SCAPER: variants seen among roughly 807,000 people sequenced by gnomAD.
SCAPER encodes the protein S-phase cyclin A associated protein in the ER.
SCAPER carries 98 observed loss-of-function variants against 182.2 expected under a neutral mutation model. The observed-to-expected ratio is 0.54, with a 90% CI of 0.46 to 0.64. SCAPER has a LOEUF of 0.64. Among genes scored for constraint, SCAPER ranks in the 30% least tolerant of loss-of-function variants. The probability of loss-of-function intolerance (pLI) is 0.00; values close to 1 mark genes in which losing one functional copy is unlikely to be tolerated. For missense variants in SCAPER, 1,432 were observed against 1,690.0 expected, an observed-to-expected ratio of 0.85 and a Z score of 2.68; for synonymous variants, 605 against 564.6, an observed-to-expected ratio of 1.07 and a Z score of -1.01.
At chr15:76,621,698 G>A in intron 22 of SCAPER, 66 bp downstream of exon 22, 1 of 1,257,322 alleles carries the variant, frequency 8.0e-7, no homozygotes, top group East Asian at 2.4e-5. Context: ...TAACATGATG[G>A]TTGAGATACA....
At chr15:76,889,214 T>C (rs9707794) in intron 1 of SCAPER, among the ~76,000 whole-genome samples, 50,837 of 152,028 alleles carry the variant, frequency 0.33, 8,782 homozygotes, top group East Asian at 0.55. Flanking sequence ...TACCAGACAC[T>C]GCAAAAACAT....
chr15:76,355,940 T>G (rs923579554), intron 29 of SCAPER, among the ~76,000 whole-genome samples: 1 of 152,226 alleles, frequency 6.6e-6, no homozygotes, highest in Admixed American at 6.5e-5. Flanking sequence ...TGCAAATGGA[T>G]GTAGGCAGTT....
intron 24 of SCAPER, among the ~76,000 whole-genome samples, chr15:76,494,059 T>G (rs1454146333): frequency 6.6e-6 from 1 of 152,218 alleles, no homozygotes; most frequent in Non-Finnish European, 1.5e-5. Flanking sequence ...TGGATTGTAG[T>G]ATAAATTTTA....
intron 4 of SCAPER, among the ~76,000 whole-genome samples, 185 bp from the exon 5 acceptor site, chr15:76,842,116 C>T (rs1000080272): frequency 3.3e-5 from 5 of 152,138 alleles, no homozygotes; most frequent in African/African-American, 1.2e-4. Flanking sequence ...CAACTATTTA[C>T]ATAACATTTA....
intron 27 of SCAPER, among the ~76,000 whole-genome samples, chr15:76,400,216 A>G (rs1001919645): frequency 2.0e-4 from 30 of 152,128 alleles, no homozygotes; most frequent in African/African-American, 7.2e-4. Flanking sequence ...ACAAGAGGCA[A>G]TTTTTGAAGC....
chr15:76,504,900 G>A lies in SCAPER; in HGVS notation c.2913C>T (p.Val971=). ...TALEHILQAV[V]PATNVNTVLR... is the part of the protein sequence containing the mutation. ...AAACTGTGTTCACATTTGTGGCTGG[G>A]ACTACTGCTTGAAGGATGTGTTCAA... Residue 971 remains valine (V), a synonymous_variant, in exon 24 of 32, where the codon GTC becomes GTT. Coordinates refer to ENST00000563290, the MANE Select transcript of SCAPER (RefSeq NM_020843.4). 6.2e-7 allele frequency: 1 copy of A among 1,612,486 alleles called. No individual in the cohort carries two copies.
At position 76,354,105 on chromosome 15, in the gene SCAPER, C is replaced by T. The variant is rs1353869002; in HGVS notation, c.3891G>A (p.Leu1297=). Reference sequence around the variant, plus strand: ...GGAAGGGCAACTGGCAGAGCTTCTGCAGCACTGTGGGGTGGCGGCCGGACT... The same window carrying T: ...GGAAGGGCAACTGGCAGAGCTTCTGTAGCACTGTGGGGTGGCGGCCGGACT... The part of the protein sequence containing the change: ...IVQSGRHPTV[L]QKLCQLPFQY... The change falls in exon 30 of 32, where the codon CTG becomes CTA. Residue 1297 remains leucine (L), a synonymous_variant. Coordinates refer to ENST00000563290, the MANE Select transcript of SCAPER (RefSeq NM_020843.4). This position sits in a 1 kb window ranked among gnomAD's most constrained non-coding sequence, Gnocchi z 4.4. 7 of 1,610,060 alleles carry T rather than the reference C, an allele frequency of 4.3e-6. No homozygotes were observed. The highest frequency in any genetic ancestry group is 1.3e-5 in the African/African-American group (1 of 74,696).
At chr15:76,549,221 T>C (rs111627436) in intron 23 of SCAPER, among the ~76,000 whole-genome samples, 26,180 of 152,098 alleles carry the variant, frequency 0.17, 2,756 homozygotes, top group Middle Eastern at 0.26. Context: ...GATCTAGAAC[T>C]GGAAATACCA....
At chr15:76,876,456 A>T (rs2073172124) in intron 2 of SCAPER, among the ~76,000 whole-genome samples, 3 of 144,480 alleles carry the variant, frequency 2.1e-5, no homozygotes, top group East Asian at 2.0e-4. Flanking sequence ...AAAAAAAAAA[A>T]ATACACACAC....
intron 22 of SCAPER, among the ~76,000 whole-genome samples, chr15:76,574,520 C>T (rs998993185): frequency 2.6e-5 from 4 of 152,122 alleles, no homozygotes; most frequent in Admixed American, 6.6e-5. Context: ...TATCAATCTA[C>T]AGGATTAGCT....
rs575525980 is a variant in SCAPER at position 76,886,253 on chromosome 15, G to A, written c.-59-2377C>T. Among the ~76,000 whole-genome samples the A allele has an allele frequency of 2.6e-5, 4 of 152,334 alleles. No individual in the cohort carries two copies. The East Asian group carries it at 7.7e-4, about 29-fold the overall frequency. On this transcript the variant is annotated intron_variant, in intron 1 of 31. Transcript: ENST00000563290. The stretch of plus-strand genomic sequence containing the variant: ...CCACCACACTGGGAGGCCGAGGTGG[G>A]CAGATCACCTGAGGTCAAAAGTTCA...
At chr15:76,687,041 C>T (rs1477981552) in intron 20 of SCAPER, among the ~76,000 whole-genome samples, 1 of 152,022 alleles carries the variant, frequency 6.6e-6, no homozygotes, top group Non-Finnish European at 1.5e-5. Flanking sequence ...AAAAGGTAAA[C>T]TTCACCAGTA....
chr15:76,795,196 A>G, intron 8 of SCAPER, 84 bp downstream of exon 8: 2 of 1,226,388 alleles, frequency 1.6e-6, no homozygotes, highest in Non-Finnish European at 2.2e-6. Flanking sequence ...ACAAAAAGAT[A>G]AATAGGACCA....
rs113272532 is a variant in SCAPER at position 76,451,216 on chromosome 15, A to T, written c.3079-16906T>A. Among the ~76,000 whole-genome samples, 667 of 152,286 alleles carry T rather than the reference A, an allele frequency of 4.4e-3. 7 individuals are homozygous for T. Among genetic ancestry groups the T allele is most frequent in the African/African-American group, 0.015 (635 of 41,572 alleles). ...TTGTATCAATAGTTCATTCCTTTTTATTGCTAAATATTCCACTATGAATAT... is the reference window on the plus strand; with the variant it reads ...TTGTATCAATAGTTCATTCCTTTTTTTTGCTAAATATTCCACTATGAATAT... On this transcript the variant is annotated intron_variant, in intron 25 of 31. Coordinates refer to ENST00000563290, the MANE Select transcript of SCAPER (RefSeq NM_020843.4).
At chr15:76,616,261 C>A (rs2051475977) in intron 22 of SCAPER, among the ~76,000 whole-genome samples, 1 of 152,088 alleles carries the variant, frequency 6.6e-6, no homozygotes, top group African/African-American at 2.4e-5. Context: ...GGATAAGCAA[C>A]ACATATAGTG....
chr15:76,878,323 G>C (rs537378066), intron 2 of SCAPER, among the ~76,000 whole-genome samples: 19 of 152,228 alleles, frequency 1.2e-4, no homozygotes, highest in African/African-American at 4.1e-4. Context: ...AAGGATATAT[G>C]AGAATTCCTC....
intron 10 of SCAPER, among the ~76,000 whole-genome samples, chr15:76,771,179 G>T (rs1312049752): frequency 6.6e-6 from 1 of 152,022 alleles, no homozygotes; most frequent in Non-Finnish European, 1.5e-5. Flanking sequence ...TTATCCCCAG[G>T]TCAAGTATCC....
intron 21 of SCAPER, among the ~76,000 whole-genome samples, chr15:76,648,763 G>C (rs2054767006): frequency 6.6e-6 from 1 of 152,206 alleles, no homozygotes; most frequent in South Asian, 2.1e-4. Context: ...AAGCAAGCTG[G>C]AAGCTTGCAT....
At chr15:76,769,008 C>A (rs1417569400) in intron 10 of SCAPER, among the ~76,000 whole-genome samples, 1 of 152,054 alleles carries the variant, frequency 6.6e-6, no homozygotes, top group East Asian at 1.9e-4. Flanking sequence ...TCAAGCAAAG[C>A]TTACACAATT....
Sources: allele counts gnomAD v4.1 joint callset (sites outside exome capture counted in the v4.1 genomes callset), GRCh38; gene constraint gnomAD v4.1.1; non-coding constraint Gnocchi (gnomAD v3.1); transcripts MANE v1.5; gene names NCBI Gene and HGNC (gene_info 2026-07-23, HGNC 2026-07-21).